Variants in CTNNA2 observed in about 807,000 individuals in gnomAD.
The protein encoded by CTNNA2 is catenin alpha-2.
A neutral mutation model predicts 101.0 loss-of-function variants in CTNNA2; 42 were observed. The observed-to-expected ratio is 0.42, with a 90% confidence interval of 0.32 to 0.54. The LOEUF is 0.54. CTNNA2 is among the 20% of genes least tolerant of loss of function. CTNNA2 has a pLI of 0.14. For synonymous variants in CTNNA2, 450 were observed against 456.4 expected (o/e 0.99, Z 0.18); for missense variants, 871 against 1,223.1 (o/e 0.71, Z 4.29).
intron 18 of CTNNA2, among the ~76,000 whole-genome samples, chr2:80,634,024 C>T (rs1027853457): frequency 1.3e-5 from 2 of 152,160 alleles, no homozygotes; most frequent in African/African-American, 4.8e-5. Flanking sequence ...AGAATGGATA[C>T]TGAACTAGGC....
chr2:80,268,608 C>T (rs1673204217), intron 7 of CTNNA2, among the ~76,000 whole-genome samples: 2 of 152,060 alleles, frequency 1.3e-5, no homozygotes, highest in Non-Finnish European at 2.9e-5. Flanking sequence ...ACTTTACTAC[C>T]TCAGCTCCTA....
chr2:80,515,638 G>T (rs1337531118), intron 9 of CTNNA2, among the ~76,000 whole-genome samples: 2 of 152,206 alleles, frequency 1.3e-5, no homozygotes, highest in African/African-American at 4.8e-5. Flanking sequence ...ATGCTTAAAA[G>T]AAACTTTTGT....
At chr2:80,026,538 A>G (rs1694941672) in intron 7 of CTNNA2, among the ~76,000 whole-genome samples, 1 of 152,220 alleles carries the variant, frequency 6.6e-6, no homozygotes, top group Non-Finnish European at 1.5e-5. Flanking sequence ...CAAAAGAGTT[A>G]AGAGATACTT....
At chr2:79,269,991 TA>T in intron 2 of CTNNA2, among the ~76,000 whole-genome samples, 1 of 152,272 alleles carries the variant, frequency 6.6e-6, no homozygotes, top group Non-Finnish European at 1.5e-5. Context: ...AGTGGTGAAT[TA>T]AAGTAACAAA....
At chr2:80,286,154 G>A (rs1232870737) in intron 7 of CTNNA2, among the ~76,000 whole-genome samples, 3 of 152,144 alleles carry the variant, frequency 2.0e-5, no homozygotes, top group Non-Finnish European at 4.4e-5. Flanking sequence ...CAGAATTGCT[G>A]CTTTATGCCG....
At chr2:79,249,593 G>T (rs1674743708) in intron 2 of CTNNA2, among the ~76,000 whole-genome samples, 1 of 152,162 alleles carries the variant, frequency 6.6e-6, no homozygotes, top group Non-Finnish European at 1.5e-5. Flanking sequence ...GTCCACCAAT[G>T]CTCCTAACTG....
In CTNNA2 at chr2:79,650,186, G is replaced by A. The variant is rs918924976; in HGVS notation, c.-5-1366G>A. ...TGTATACTTTTTCGGGGGGGGGGGG[G>A]GAGGGGCTAGAACTGTAATTTTTTG... is the stretch of plus-strand genomic sequence containing the variant. On this transcript the variant is annotated intron_variant, in intron 1 of 18. Transcript: ENST00000402739. Among the ~76,000 whole-genome samples the A allele has an allele frequency of 1.2e-4, 12 of 103,794 alleles. No homozygotes were observed. The East Asian group carries it at 1.2e-3, about 11-fold the overall frequency. The allele number at this position is 103,794 out of a possible 152,430, so 68.1% of individuals were successfully genotyped here.
At chr2:79,247,671 C>T (rs1674716375) in intron 2 of CTNNA2, among the ~76,000 whole-genome samples, 1 of 152,190 alleles carries the variant, frequency 6.6e-6, no homozygotes, top group Admixed American at 6.5e-5. Context: ...ATGGCAAAGA[C>T]ATTGCAGATG....
intron 1 of CTNNA2, among the ~76,000 whole-genome samples, chr2:79,589,850 C>T (rs1676735287): frequency 6.6e-6 from 1 of 152,072 alleles, no homozygotes. Flanking sequence ...TCTAACTTCT[C>T]TCTAGGAATT....
intron 7 of CTNNA2, among the ~76,000 whole-genome samples, chr2:80,383,825 C>G (rs1263583827): frequency 6.6e-6 from 1 of 151,812 alleles, no homozygotes; most frequent in Non-Finnish European, 1.5e-5. Context: ...GGGTATATAC[C>G]CAAAGGCATA....
intron 4 of CTNNA2, among the ~76,000 whole-genome samples, chr2:79,496,732 T>C (rs1323424093): frequency 6.6e-6 from 1 of 151,918 alleles, no homozygotes; most frequent in Non-Finnish European, 1.5e-5. Flanking sequence ...TGTATTTATT[T>C]ATCTATAACT....
chr2:80,439,231 G>A (rs544580874), intron 9 of CTNNA2, among the ~76,000 whole-genome samples: 3 of 152,150 alleles, frequency 2.0e-5, no homozygotes, highest in Admixed American at 6.5e-5. Context: ...TTACCCTGTC[G>A]ACAAAGACCG....
chr2:80,428,820 G>A (rs1043404275), intron 9 of CTNNA2, among the ~76,000 whole-genome samples: 10 of 152,080 alleles, frequency 6.6e-5, no homozygotes, highest in East Asian at 3.9e-4. Flanking sequence ...AGAGTGAGAC[G>A]CTATCTCAAA....
intron 17 of CTNNA2, 174 bp from the exon 18 acceptor site, chr2:80,618,911 T>A: frequency 2.4e-6 from 1 of 416,564 alleles, no homozygotes. Context: ...CCGCTTAATG[T>A]CAAGAAAGCC....
chr2:80,629,667 C>A (rs1672066747), intron 18 of CTNNA2, among the ~76,000 whole-genome samples: 1 of 152,136 alleles, frequency 6.6e-6, no homozygotes, highest in Admixed American at 6.6e-5. Context: ...TTCAGTCTAG[C>A]CTCGTTTGGA....
At chr2:79,845,546 C>A (rs903145554) in intron 3 of CTNNA2, among the ~76,000 whole-genome samples, 2 of 152,122 alleles carry the variant, frequency 1.3e-5, no homozygotes, top group Non-Finnish European at 2.9e-5. Flanking sequence ...GTCAGGCTGT[C>A]GGAACATTTT....
intron 2 of CTNNA2, among the ~76,000 whole-genome samples, chr2:79,306,087 A>C (rs970445161): frequency 6.6e-6 from 1 of 151,830 alleles, no homozygotes; most frequent in Non-Finnish European, 1.5e-5. Context: ...TTACGACAAC[A>C]TGGATTAAAC....
chr2:79,244,654 G>C (rs753831577), intron 2 of CTNNA2, among the ~76,000 whole-genome samples: 1 of 152,192 alleles, frequency 6.6e-6, no homozygotes, highest in Admixed American at 6.5e-5. Context: ...CAACATGTAA[G>C]CTCCATGATA....
intron 2 of CTNNA2, among the ~76,000 whole-genome samples, chr2:79,215,733 C>G (rs985651954): frequency 3.3e-5 from 5 of 152,008 alleles, no homozygotes; most frequent in Admixed American, 6.6e-5. Context: ...TTAGCTCTAG[C>G]CACCTTTTTA....
Sources: gnomAD v4.1 joint callset for allele counts (sites outside exome capture counted in the v4.1 genomes callset) on GRCh38, gnomAD v4.1.1 for gene constraint, MANE v1.5 for transcripts, NCBI Gene and HGNC (gene_info 2026-07-23, HGNC 2026-07-21) for gene names.